Variants in TACC2 observed in about 807,000 individuals in gnomAD.
TACC2 encodes the protein transforming acidic coiled-coil-containing protein 2.
In TACC2, 137 loss-of-function variants were observed where a neutral mutation model predicts 227.3. That is an observed-to-expected ratio of 0.60 (90% CI 0.52 to 0.69). TACC2 has a LOEUF of 0.69. Ranked by LOEUF, TACC2 falls within the 30% of genes least tolerant of loss-of-function variation. The probability of loss-of-function intolerance (pLI) is 0.00; values close to 1 mark genes in which losing one functional copy is unlikely to be tolerated. For synonymous variants in TACC2, 1,523 were observed against 1,487.5 expected, an observed-to-expected ratio of 1.02 and a Z score of -0.55; for missense variants, 3,470 against 3,694.4, an observed-to-expected ratio of 0.94 and a Z score of 1.57.
At chr10:122,111,899 A>C (rs1253428507) in intron 5 of TACC2, among the ~76,000 whole-genome samples, 1 of 151,232 alleles carries the variant, frequency 6.6e-6, no homozygotes, top group Non-Finnish European at 1.5e-5. Flanking sequence ...ATACGATACG[A>C]GGAAACCTGT....
intron 1 of TACC2, among the ~76,000 whole-genome samples, chr10:122,006,013 G>T (rs1431958790): frequency 1.3e-5 from 2 of 152,088 alleles, no homozygotes; most frequent in East Asian, 3.9e-4. Context: ...GTTGAAAATT[G>T]TTTTTCTCTA....
At chr10:122,189,161 G>C (rs758170877) in intron 7 of TACC2, among the ~76,000 whole-genome samples, 1 of 152,064 alleles carries the variant, frequency 6.6e-6, no homozygotes, top group Non-Finnish European at 1.5e-5. Flanking sequence ...TGCCAGCGAG[G>C]TGTGTGTGTG....
intron 18 of TACC2, chr10:122,241,511 G>A (rs191561070): frequency 3.6e-4 from 60 of 167,106 alleles, no homozygotes; most frequent in African/African-American, 1.3e-3. Context: ...GGCTGGTCTC[G>A]AACTCTTGGA....
At chr10:122,213,050 CAG>C (rs1212851650) in intron 9 of TACC2, among the ~76,000 whole-genome samples, 2 of 152,236 alleles carry the variant, frequency 1.3e-5, no homozygotes, top group African/African-American at 4.8e-5. Flanking sequence ...TTAGAGCTAA[CAG>C]GGGTCAGGGA....
At chr10:121,992,475 T>C (rs1953066849) in intron 1 of TACC2, among the ~76,000 whole-genome samples, 1 of 152,238 alleles carries the variant, frequency 6.6e-6, no homozygotes, top group African/African-American at 2.4e-5. Flanking sequence ...TTATAAAATG[T>C]AATTGCACAG....
At position 122,088,590 on chromosome 10, in the gene TACC2, A is replaced by C. The variant is rs201272664; in HGVS notation, c.5572A>C (p.Ser1858Arg). ...DETRGAEGTE[S>R]SPVADDIIQP... is the part of the protein sequence containing the mutation. ...GACCAGAGGTGCGGAAGGAACAGAAAGGTCAGCGAAAGATATTGGTCTTTG... is the reference window on the plus strand; with the variant it reads ...GACCAGAGGTGCGGAAGGAACAGAACGGTCAGCGAAAGATATTGGTCTTTG... Residue 1858 changes from serine to arginine, a missense_variant and splice_region_variant, in exon 5 of 23, where the codon AGT becomes CGT. Ser to Arg is a moderately radical substitution (Grantham distance 110). Coordinates refer to ENST00000369005, the MANE Select transcript of TACC2 (RefSeq NM_206862.4). 1 of 1,612,168 alleles carries C rather than the reference A, an allele frequency of 6.2e-7. No homozygotes were observed. Among genetic ancestry groups the C allele is most frequent in the Non-Finnish European group, 8.5e-7 (1 of 1,179,072 alleles).
At chr10:122,026,161 C>A (rs12771063) in intron 2 of TACC2, among the ~76,000 whole-genome samples, 103,798 of 129,296 alleles carry the variant, frequency 0.8, 39,177 homozygotes, top group Non-Finnish European at 0.84. Context: ...TACTAAAAAT[C>A]CAAAAAAAAA....
intron 15 of TACC2, among the ~76,000 whole-genome samples, chr10:122,230,015 A>C (rs757804272): frequency 6.6e-6 from 1 of 152,210 alleles, no homozygotes; most frequent in African/African-American, 2.4e-5. Context: ...AGCTCCATTC[A>C]TGGAAACTAT....
intron 5 of TACC2, among the ~76,000 whole-genome samples, chr10:122,100,840 G>A (rs577125675): frequency 6.6e-6 from 1 of 152,324 alleles, no homozygotes; most frequent in African/African-American, 2.4e-5. Flanking sequence ...CAGTGTGGCT[G>A]AGAGATGTTG....
Position 122,050,361 on chromosome 10 carries a change from C to T in TACC2, c.34-77C>T. 9.1e-7 allele frequency: 1 copy of T among 1,103,018 alleles called. No individual in the cohort carries two copies. Among genetic ancestry groups the T allele is most frequent in the South Asian group, 1.4e-5 (1 of 73,004 alleles). The allele number at this position is 1,103,018 out of a possible 1,614,324, so 68.3% of individuals were successfully genotyped here. On this transcript the variant is annotated intron_variant, in intron 2 of 22. Transcript: ENST00000369005. This position sits in a 1 kb window ranked among gnomAD's most constrained non-coding sequence, Gnocchi z 4.6. ...CTTACCTTGAATGCTGTGGTGGGTG[C>T]CCTGTTGATAAATGTTTTTGTGTTT...
intron 2 of TACC2, among the ~76,000 whole-genome samples, chr10:122,033,584 TCTGAATCAG>T (rs1005798638): frequency 1.1e-4 from 16 of 152,286 alleles, no homozygotes; most frequent in African/African-American, 3.6e-4. Context: ...AAGATTAAAT[TCTGAATCAG>T]CTGTCAGTGT....
intron 7 of TACC2, among the ~76,000 whole-genome samples, chr10:122,190,517 G>C (rs2094373718): frequency 6.6e-6 from 1 of 152,152 alleles, no homozygotes; most frequent in Non-Finnish European, 1.5e-5. Context: ...CCCACCTGGG[G>C]TTACGTTGTT....
At chr10:122,182,190 C>T (rs576163566) in intron 7 of TACC2, among the ~76,000 whole-genome samples, 13 of 152,260 alleles carry the variant, frequency 8.5e-5, no homozygotes, top group East Asian at 1.9e-4. Flanking sequence ...TAGGGAGAAA[C>T]GCTGTGGGAG....
Position 122,086,320 on chromosome 10 carries a change from C to G in TACC2, c.3820C>G (p.Pro1274Ala), listed in dbSNP as rs1273678963. The change falls in exon 4 of 23, where the codon CCC becomes GCC. Residue 1274 changes from proline to alanine, a missense_variant. Physicochemically the swap from Pro to Ala is conservative, Grantham distance 27 (BLOSUM62 -1). Around this residue, in one of 10 missense-constraint regions of TACC2, gnomAD observed 1,924 missense variants for 1,978.3 expected, o/e 0.97. Transcript: ENST00000369005. ...CGAAAGCCCCTGTCCTGTAGGGGAG[C>G]CCCCACTTGCCTTGGAAAATGCTGC... ...PGESPCPVGE[P>A]PLALENAASL... 1.2e-6 allele frequency: 2 copies of G among 1,613,846 alleles called. No homozygotes were observed. Among genetic ancestry groups the G allele is most frequent in the Middle Eastern group, 1.6e-4 (1 of 6,062 alleles).
At chr10:122,010,101 T>C (rs764757438) in intron 1 of TACC2, among the ~76,000 whole-genome samples, 2 of 152,228 alleles carry the variant, frequency 1.3e-5, no homozygotes, top group Non-Finnish European at 2.9e-5. Context: ...GACATGTGTG[T>C]CATCAGGAAT....
At chr10:122,229,860 A>G (rs2095702166) in intron 15 of TACC2, among the ~76,000 whole-genome samples, 1 of 152,206 alleles carries the variant, frequency 6.6e-6, no homozygotes, top group East Asian at 1.9e-4. Context: ...TCCCAGTGAG[A>G]TAACATCTGG....
intron 5 of TACC2, among the ~76,000 whole-genome samples, chr10:122,106,176 C>T (rs1238702851): frequency 1.4e-5 from 2 of 147,526 alleles, no homozygotes; most frequent in East Asian, 2.1e-4. Context: ...TTAGTAGAGA[C>T]GGGGTTTTGC....
chr10:122,087,275 A>G lies in TACC2; in HGVS notation c.4775A>G (p.Asp1592Gly), dbSNP rs2080190849. ...HSHGEEAVAQDRIPSGKQHQE... is the reference protein window; with the variant it reads ...HSHGEEAVAQGRIPSGKQHQE... ...CATGGAGAAGAGGCCGTGGCCCAAG[A>G]CAGAATTCCTTCTGGAAAGCAGCAC... is the stretch of plus-strand genomic sequence containing the variant. The change falls in exon 4 of 23, where the codon GAC becomes GGC. Residue 1592 changes from aspartate (D) to glycine (G), a missense_variant. Physicochemically the swap from Asp to Gly is moderately conservative, Grantham distance 94. Coordinates refer to ENST00000369005, the MANE Select transcript of TACC2 (RefSeq NM_206862.4). 5 of 1,613,728 alleles carry G rather than the reference A, an allele frequency of 3.1e-6. No homozygotes were observed. The South Asian group carries it at 5.5e-5, about 18-fold the overall frequency.
In TACC2 at chr10:122,083,335, C is replaced by T. The variant is rs1250472736; in HGVS notation, c.835C>T (p.Gln279Ter). The T allele has an allele frequency of 6.2e-7, 1 of 1,614,044 alleles. No homozygotes were observed. The highest frequency in any genetic ancestry group is 1.3e-5 in the African/African-American group (1 of 75,050). Residue 279 changes from glutamine (Q) to a stop codon, truncating the protein, a stop_gained, in exon 4 of 23, where the codon CAA becomes TAA. Transcript: ENST00000369005. LOFTEE classifies it high-confidence loss of function. ...CCTAAAACCCATGGCCCCGATCCCA[C>T]AAGATCCAGCCCCAAGAGCCTCAGA... Reference protein sequence around the residue: ...SPLKPMAPIPQDPAPRASDRE... With the variant: ...SPLKPMAPIP
Sources: allele counts gnomAD v4.1 joint callset (sites outside exome capture counted in the v4.1 genomes callset), GRCh38; gene constraint gnomAD v4.1.1; regional missense constraint gnomAD v4.1.1; non-coding constraint Gnocchi (gnomAD v3.1); transcripts MANE v1.5; gene names NCBI Gene and HGNC (gene_info 2026-07-23, HGNC 2026-07-21).